The following ATG4C variants were observed in gnomAD, a reference collection of about 807,000 sequenced individuals.
ATG4C encodes cysteine protease ATG4C.
A neutral mutation model predicts 57.6 loss-of-function variants in ATG4C; 56 were observed. The ratio of observed to expected loss-of-function variants is 0.97; its 90% CI spans 0.78 to 1.21. ATG4C has a LOEUF of 1.21. ATG4C is among the 50% of genes most tolerant of loss of function. The pLI is 0.00. For synonymous variants in ATG4C, 157 were observed against 174.1 expected (o/e 0.90, Z 0.78); for missense variants, 595 against 529.8 (o/e 1.12, Z -1.21).
chr1:62,841,599 C>A (rs940490011), intron 10 of ATG4C, 52 bp downstream of exon 10: 9 of 1,405,672 alleles, frequency 6.4e-6, no homozygotes, highest in East Asian at 5.2e-5. Context: ...TTATTAGAAA[C>A]AGACTGTCAG....
At chr1:62,852,023 G>A (rs1572172023) in intron 10 of ATG4C, among the ~76,000 whole-genome samples, 2 of 152,266 alleles carry the variant, frequency 1.3e-5, no homozygotes, top group South Asian at 2.1e-4. Context: ...TCAAGCATTT[G>A]TGTGATTGTT....
chr1:62,799,378 C>T (rs1420145643), intron 1 of ATG4C, among the ~76,000 whole-genome samples: 1 of 152,208 alleles, frequency 6.6e-6, no homozygotes, highest in African/African-American at 2.4e-5. Flanking sequence ...TCGTTCTCAA[C>T]TACTCTATCT....
rs568340652 is a variant in ATG4C, at chr1:62,856,497, G to A, written c.1210-7495G>A. 2.0e-5 allele frequency among the ~76,000 whole-genome samples: 3 copies of A among 152,278 alleles called. No individual in the cohort carries two copies. In the East Asian group the frequency reaches 5.8e-4, roughly 29 times the overall value. ...TTACATATATTAGCTGATTTAATCTGCACAACAACTCTGTGAGATAGATAC... is the reference window on the plus strand; with the variant it reads ...TTACATATATTAGCTGATTTAATCTACACAACAACTCTGTGAGATAGATAC... On this transcript the variant is annotated intron_variant, in intron 10 of 10. Coordinates refer to ENST00000317868, the MANE Select transcript of ATG4C (RefSeq NM_032852.4).
chr1:62,838,400 A>G (rs1286716739), intron 9 of ATG4C, among the ~76,000 whole-genome samples: 1 of 152,208 alleles, frequency 6.6e-6, no homozygotes, highest in East Asian at 1.9e-4. Context: ...AAAATATTTG[A>G]AAGTTTAACT....
At position 62,841,424 on chromosome 1, in the gene ATG4C, A is replaced by G; in HGVS notation, c.1090-4A>G. On this transcript the variant is annotated splice_polypyrimidine_tract_variant and splice_region_variant and intron_variant, in intron 9 of 10. Transcript: ENST00000317868. ...TTAATCCTAAAGAACTTTAAAAATT[A>G]CAGACATTCCACTGCCCTTCTCCCA... 6.3e-7 allele frequency: 1 copy of G among 1,599,816 alleles called. No individual in the cohort carries two copies. The highest frequency in any genetic ancestry group is 8.5e-7 in the Non-Finnish European group (1 of 1,173,208).
chr1:62,847,231 A>AAAC (rs75199028), intron 10 of ATG4C, among the ~76,000 whole-genome samples: 1 of 151,574 alleles, frequency 6.6e-6, no homozygotes, highest in Non-Finnish European at 1.5e-5. Context: ...GAATAAATAA[A>AAAC]AAACAGAAAC....
At chr1:62,838,650 C>T (rs1008510917) in intron 9 of ATG4C, among the ~76,000 whole-genome samples, 4 of 151,766 alleles carry the variant, frequency 2.6e-5, no homozygotes, top group Non-Finnish European at 5.9e-5. Context: ...CGTGGTGGTG[C>T]GCACCTGTAA....
chr1:62,803,952 G>T, intron 2 of ATG4C, 90 bp downstream of exon 2: 1 of 690,044 alleles, frequency 1.4e-6, no homozygotes, highest in African/African-American at 1.9e-5. Context: ...ACAATTTCTT[G>T]AGAATAAATG....
At chr1:62,805,137 A>C (rs1021655537) in intron 2 of ATG4C, 35 bp from the exon 3 acceptor site, 1 of 1,514,224 alleles carries the variant, frequency 6.6e-7, no homozygotes, top group Non-Finnish European at 8.7e-7. Context: ...TTTTAATTAC[A>C]AAACGTTTTC....
intron 9 of ATG4C, among the ~76,000 whole-genome samples, chr1:62,839,927 T>C (rs534540869): frequency 6.6e-6 from 1 of 152,314 alleles, no homozygotes; most frequent in Admixed American, 6.5e-5. Context: ...GCAGCTTGAA[T>C]GTATATATTT....
chr1:62,797,986 A>AT (rs1314188480), intron 1 of ATG4C, among the ~76,000 whole-genome samples: 1 of 151,806 alleles, frequency 6.6e-6, no homozygotes, highest in South Asian at 2.1e-4. Flanking sequence ...CACCTGGCTA[A>AT]TTTTTTTGTA....
intron 10 of ATG4C, among the ~76,000 whole-genome samples, chr1:62,853,272 A>G (rs56708934): frequency 0.023 from 3,439 of 152,206 alleles, 137 homozygotes; most frequent in African/African-American, 0.078. Context: ...TCCCAACTCC[A>G]TCACCTAATT....
chr1:62,819,784 A>G (rs1467213822), intron 5 of ATG4C, among the ~76,000 whole-genome samples: 1 of 152,144 alleles, frequency 6.6e-6, no homozygotes, highest in African/African-American at 2.4e-5. Context: ...TGAATTGGAA[A>G]TGTATGGCAC....
intron 1 of ATG4C, among the ~76,000 whole-genome samples, chr1:62,784,754 C>G (rs938454841): frequency 1.3e-5 from 2 of 152,188 alleles, no homozygotes; most frequent in Admixed American, 6.5e-5. Flanking sequence ...AACACACTGC[C>G]TTGCATATAT....
At position 62,816,791 on chromosome 1, in the gene ATG4C, T is replaced by C; in HGVS notation, c.377T>C (p.Leu126Pro). The C allele has an allele frequency of 6.4e-7, 1 of 1,571,784 alleles. No homozygotes were observed. The highest frequency in any genetic ancestry group is 8.6e-7 in the Non-Finnish European group (1 of 1,158,562). ...ATGCTCTTGGCTCAAGGACTCATAC[T>C]ACACTTTCTTGGTAGAGGTAAATCA... ...GQMLLAQGLI[L>P]HFLGRAWTWP... The change falls in exon 4 of 11, where the codon CTA (leucine) becomes CCA (proline). Residue 126 changes from leucine (L) to proline (P), a missense_variant. By Grantham distance (98) the Leu-to-Pro change is moderately conservative. Coordinates refer to ENST00000317868, the MANE Select transcript of ATG4C (RefSeq NM_032852.4).
chr1:62,796,067 C>G (rs987603669), intron 1 of ATG4C, among the ~76,000 whole-genome samples: 1 of 151,888 alleles, frequency 6.6e-6, no homozygotes, highest in South Asian at 2.1e-4. Flanking sequence ...AATATACTGA[C>G]AGAGAAGACA....
intron 1 of ATG4C, among the ~76,000 whole-genome samples, chr1:62,789,070 G>A (rs1385674930): frequency 6.6e-6 from 1 of 152,118 alleles, no homozygotes; most frequent in African/African-American, 2.4e-5. Context: ...AGGTCATGTG[G>A]ATATTCTGTT....
intron 1 of ATG4C, among the ~76,000 whole-genome samples, chr1:62,793,669 A>G (rs1423118308): frequency 6.6e-6 from 1 of 151,846 alleles, no homozygotes; most frequent in Non-Finnish European, 1.5e-5. Context: ...ACCAAAAAAC[A>G]AAAAAAGTAT....
intron 7 of ATG4C, among the ~76,000 whole-genome samples, chr1:62,830,018 G>A (rs1665790224): frequency 6.6e-6 from 1 of 151,974 alleles, no homozygotes; most frequent in Admixed American, 6.6e-5. Flanking sequence ...CCATGTTATA[G>A]TCTCTATATA....
Sources: gnomAD v4.1 joint callset for allele counts (sites outside exome capture counted in the v4.1 genomes callset) on GRCh38, gnomAD v4.1.1 for gene constraint, MANE v1.5 for transcripts, NCBI Gene and HGNC (gene_info 2026-07-23, HGNC 2026-07-21) for gene names.